Variants in PDS5A observed in about 807,000 individuals in gnomAD.
PDS5A encodes sister chromatid cohesion protein PDS5 homolog A.
Under a neutral mutation model 167.1 loss-of-function variants are expected in PDS5A, and 42 were observed. That is an observed-to-expected ratio of 0.25 (90% CI 0.20 to 0.33). PDS5A has a LOEUF of 0.33. Among genes scored for constraint, PDS5A ranks in the 10% least tolerant of loss-of-function variants. The pLI, the probability that PDS5A is intolerant of heterozygous loss-of-function variation, is 1.00. For missense variants in PDS5A, 1,033 were observed against 1,605.9 expected (o/e 0.64, Z 6.10); for synonymous variants, 553 against 554.6 (o/e 1.00, Z 0.04).
rs1716563140 is a variant in PDS5A, at chr4:39,837,767, T to C, written c.4010+89A>G. 4.5e-6 allele frequency: 4 copies of C among 889,956 alleles called. No homozygotes were observed. The Admixed American group carries it at 8.6e-5, about 19-fold the overall frequency. 55.1% of individuals were successfully genotyped at this position (889,956 alleles called of 1,614,324 possible). On this transcript the variant is annotated intron_variant, in intron 32 of 32. Transcript: ENST00000303538. Reference sequence around the variant, plus strand: ...GATGCAGGTTTCTCTCTCAAATGCTTAGGTGTTTGGGGTGACTGGCACTAA... The same window carrying C: ...GATGCAGGTTTCTCTCTCAAATGCTCAGGTGTTTGGGGTGACTGGCACTAA...
At chr4:39,938,478 C>T (rs2623793) in intron 2 of PDS5A, among the ~76,000 whole-genome samples, 12,536 of 151,318 alleles carry the variant, frequency 0.083, 550 homozygotes, top group Middle Eastern at 0.18. Flanking sequence ...TCACTTGAAC[C>T]GGGAGGCGGA....
intron 2 of PDS5A, among the ~76,000 whole-genome samples, chr4:39,955,537 G>T (rs1426486834): frequency 6.6e-6 from 1 of 151,852 alleles, no homozygotes; most frequent in East Asian, 1.9e-4. Flanking sequence ...GGGAGCGGAG[G>T]TTGCAGTGAG....
chr4:39,974,423 C>A (rs1406905504), intron 2 of PDS5A: 2 of 321,224 alleles, frequency 6.2e-6, no homozygotes, highest in Non-Finnish European at 1.2e-5. Flanking sequence ...ATTAACGATC[C>A]ATCAATTGTT....
At chr4:39,836,931 C>G (rs1479271907) in intron 32 of PDS5A, 1 of 150,790 alleles carries the variant, frequency 6.6e-6, no homozygotes, top group East Asian at 1.9e-4. Flanking sequence ...GCCTCAGCCT[C>G]CTGAGTAGCT....
chr4:39,928,233 T>TAAA, intron 2 of PDS5A, 69 bp from the exon 3 acceptor site: 2 of 814,790 alleles, frequency 2.5e-6, no homozygotes, highest in African/African-American at 1.8e-5. Flanking sequence ...GGATGTGATT[T>TAAA]AAAAAAAAAA....
At chr4:39,900,765 A>G (rs947028479) in intron 13 of PDS5A, among the ~76,000 whole-genome samples, 1 of 152,216 alleles carries the variant, frequency 6.6e-6, no homozygotes, top group Non-Finnish European at 1.5e-5. Flanking sequence ...TGTACTAAAT[A>G]CAGGTAGCTA....
chr4:39,852,772 A>G (rs1296087165), intron 26 of PDS5A, among the ~76,000 whole-genome samples: 2 of 151,962 alleles, frequency 1.3e-5, no homozygotes, highest in African/African-American at 4.8e-5. Flanking sequence ...CAGCTTCCCT[A>G]TGTTCCTTGC....
chr4:39,960,184 G>A (rs183273259), intron 2 of PDS5A, among the ~76,000 whole-genome samples: 21 of 152,122 alleles, frequency 1.4e-4, no homozygotes, highest in African/African-American at 4.3e-4. Context: ...ACACAGAATC[G>A]CTTGAACCCA....
chr4:39,931,657 T>G (rs987853513), intron 2 of PDS5A, among the ~76,000 whole-genome samples: 1 of 152,178 alleles, frequency 6.6e-6, no homozygotes, highest in Admixed American at 6.5e-5. Flanking sequence ...AGAGCAAATA[T>G]GAAGTGGCAG....
At chr4:39,850,767 G>A (rs1201492785) in intron 26 of PDS5A, among the ~76,000 whole-genome samples, 1 of 152,174 alleles carries the variant, frequency 6.6e-6, no homozygotes, top group African/African-American at 2.4e-5. Flanking sequence ...GTGTCTGAAG[G>A]GAACATTTGA....
rs1210256217 is a variant in PDS5A, at chr4:39,945,458, C to CAAAAAAAAAAAAAAA, written c.139-17309_139-17295dup. Reference sequence around the variant, plus strand: ...CCTGGGCGACAGAGCGAGACTGCCTCAAAAAAAAAAAAAAAAAAAAAAATT... The same window carrying CAAAAAAAAAAAAAAA: ...CCTGGGCGACAGAGCGAGACTGCCTCAAAAAAAAAAAAAAAAAAAAAAAAAAAAAAAAAAAAAATT... On this transcript the variant is annotated intron_variant, in intron 2 of 32. Coordinates refer to ENST00000303538, the MANE Select transcript of PDS5A (RefSeq NM_001100399.2). Among the ~76,000 whole-genome samples the CAAAAAAAAAAAAAAA allele has an allele frequency of 2.5e-3, 164 of 66,782 alleles. 3 individuals carry two copies. The highest frequency in any genetic ancestry group is 9.0e-3 in the East Asian group (23 of 2,554). 43.8% of individuals were successfully genotyped at this position (66,782 alleles called of 152,430 possible). A position where few individuals can be genotyped will look rare whatever the true frequency, so the allele number is the denominator to read the frequency against.
Position 39,849,505 on chromosome 4 carries a change from T to C in PDS5A, c.3219+15A>G. ...TATTACATCTTAACACCCACTGGCC[T>C]AACACTCATCTTACTTCATTTGTCT... On this transcript the variant is annotated intron_variant, in intron 27 of 32. Transcript: ENST00000303538. 1 of 1,531,308 alleles carries C rather than the reference T, an allele frequency of 6.5e-7. No homozygotes were observed. The highest frequency in any genetic ancestry group is 9.0e-7 in the Non-Finnish European group (1 of 1,114,200). 94.9% of individuals were successfully genotyped at this position (1,531,308 alleles called of 1,614,324 possible).
chr4:39,855,932 C>A (rs1483971751), intron 26 of PDS5A, among the ~76,000 whole-genome samples: 1 of 152,038 alleles, frequency 6.6e-6, no homozygotes, highest in African/African-American at 2.4e-5. Flanking sequence ...AAATAATGGT[C>A]AAAAACTTGC....
chr4:39,928,030 T>C lies in PDS5A; in HGVS notation c.273A>G (p.Ala91=), dbSNP rs376578280. 90 of 1,613,894 alleles carry C rather than the reference T, an allele frequency of 5.6e-5. No homozygotes were observed. The African/African-American group carries it at 1.0e-3, about 18-fold the overall frequency. Reference sequence around the variant, plus strand: ...TACGAAAGATATCAGCCAAACAACATGCTACAAGGAGACGCACATCTTTAT... The same window carrying C: ...TACGAAAGATATCAGCCAAACAACACGCTACAAGGAGACGCACATCTTTAT... ...NPNKDVRLLV[A]CCLADIFRIY... Residue 91 remains alanine (A), a synonymous_variant, in exon 3 of 33, where the codon GCA becomes GCG. Transcript: ENST00000303538.
At chr4:39,836,809 A>AC (rs1716454612) in intron 32 of PDS5A, among the ~76,000 whole-genome samples, 1 of 108,972 alleles carries the variant, frequency 9.2e-6, no homozygotes, top group Non-Finnish European at 2.1e-5. Context: ...TGCTTCAGTA[A>AC]CTTTTTTTTT....
At chr4:39,840,721 G>T (rs1716922037) in intron 31 of PDS5A, among the ~76,000 whole-genome samples, 1 of 152,072 alleles carries the variant, frequency 6.6e-6, no homozygotes. Context: ...GGGACTCCAG[G>T]CAAGTAATTT....
At chr4:39,913,471 A>C (rs1005931605) in intron 9 of PDS5A, 140 bp downstream of exon 9, 1 of 572,646 alleles carries the variant, frequency 1.7e-6, no homozygotes, top group Non-Finnish European at 3.1e-6. Flanking sequence ...AATTTATTCC[A>C]TAAGAAGGAT....
chr4:39,896,955 G>A (rs926313991), intron 16 of PDS5A, among the ~76,000 whole-genome samples: 5 of 151,208 alleles, frequency 3.3e-5, no homozygotes, highest in Non-Finnish European at 7.4e-5. Flanking sequence ...ACAATGTGCA[G>A]GTTTGTTACA....
chr4:39,904,052 C>T lies in PDS5A; in HGVS notation c.1373G>A (p.Ser458Asn). The T allele has an allele frequency of 6.2e-7, 1 of 1,607,830 alleles. No homozygotes were observed. Among genetic ancestry groups the T allele is most frequent in the Non-Finnish European group, 8.5e-7 (1 of 1,176,596 alleles). ...DKLLHIYYQN[S>N]IDDKLLVEKI... The stretch of plus-strand genomic sequence containing the variant: ...ATATTAAACTCACTTGTCGTCAATG[C>T]TGTTCTGATAATAAATATGCAGAAG... Residue 458 changes from serine (S) to asparagine (N), a missense_variant, in exon 12 of 33, where the codon AGC becomes AAC. Physicochemically the swap from Ser to Asn is conservative, Grantham distance 46 (BLOSUM62 1). Around this residue, in one of 4 missense-constraint regions of PDS5A, gnomAD observed 388 missense variants for 615.1 expected, o/e 0.63. Coordinates refer to ENST00000303538, the MANE Select transcript of PDS5A (RefSeq NM_001100399.2).
Sources: gnomAD v4.1 joint callset for allele counts (sites outside exome capture counted in the v4.1 genomes callset) on GRCh38, gnomAD v4.1.1 for gene constraint, gnomAD v4.1.1 regional missense constraint, MANE v1.5 for transcripts, NCBI Gene and HGNC (gene_info 2026-07-23, HGNC 2026-07-21) for gene names.